The following IMMT variants were observed in gnomAD, a reference collection of about 807,000 sequenced individuals.
The protein encoded by IMMT is inner membrane mitochondrial protein.
In IMMT, 40 loss-of-function variants were observed where a neutral mutation model predicts 92.7. The ratio of observed to expected loss-of-function variants is 0.43; its 90% CI spans 0.34 to 0.56. The LOEUF (loss-of-function observed/expected upper bound fraction) is 0.56. Ranked by LOEUF, IMMT falls within the 20% of genes least tolerant of loss-of-function variation. The pLI, the probability that IMMT is intolerant of heterozygous loss-of-function variation, is 0.03. For missense variants in IMMT, 831 were observed against 912.1 expected (o/e 0.91, Z 1.14); for synonymous variants, 322 against 336.1 (o/e 0.96, Z 0.46).
At chr2:86,145,485 ACT>A (rs1486359816) in intron 14 of IMMT, among the ~76,000 whole-genome samples, 8 of 125,860 alleles carry the variant, frequency 6.4e-5, no homozygotes, top group African/African-American at 9.3e-5. Flanking sequence ...ACAGAGCAAG[ACT>A]CTGTCTCAAA....
intron 1 of IMMT, among the ~76,000 whole-genome samples, chr2:86,183,467 T>C (rs539523214): frequency 1.3e-5 from 2 of 152,306 alleles, no homozygotes; most frequent in African/African-American, 2.4e-5. Flanking sequence ...TGTTTCTTTA[T>C]CTACCTTCTA....
At chr2:86,191,516 T>A (rs1285099869) in intron 1 of IMMT, among the ~76,000 whole-genome samples, 1 of 152,026 alleles carries the variant, frequency 6.6e-6, no homozygotes, top group South Asian at 2.1e-4. Flanking sequence ...AGACTGCAAC[T>A]GCAATATTGG....
intron 13 of IMMT, among the ~76,000 whole-genome samples, chr2:86,146,693 T>C (rs1406818937): frequency 1.3e-5 from 2 of 152,028 alleles, no homozygotes; most frequent in African/African-American, 4.8e-5. Context: ...GGTTTACTGA[T>C]GGAACCTAAT....
chr2:86,169,821 G>A (rs1201220387), intron 6 of IMMT, among the ~76,000 whole-genome samples: 1 of 152,092 alleles, frequency 6.6e-6, no homozygotes, highest in African/African-American at 2.4e-5. Context: ...GGAGGCCAAG[G>A]TGGGAGGATT....
intron 10 of IMMT, among the ~76,000 whole-genome samples, chr2:86,157,420 C>T (rs1675927752): frequency 6.6e-6 from 1 of 152,164 alleles, no homozygotes; most frequent in Non-Finnish European, 1.5e-5. Context: ...TTCTGTGATG[C>T]AACCCTGACA....
chr2:86,157,905 G>A (rs1340144474), intron 10 of IMMT, among the ~76,000 whole-genome samples: 2 of 151,830 alleles, frequency 1.3e-5, no homozygotes, highest in African/African-American at 2.4e-5. Flanking sequence ...TTCAACCCGG[G>A]AGGTGGAGGA....
rs114521198 is a variant in IMMT at position 86,155,086 on chromosome 2, C to T, written c.1163-1512G>A. Among the ~76,000 whole-genome samples, 709 of 152,226 alleles carry T rather than the reference C, an allele frequency of 4.7e-3. 8 individuals carry two copies. The highest frequency in any genetic ancestry group is 0.016 in the African/African-American group (685 of 41,522). On this transcript the variant is annotated intron_variant, in intron 10 of 14. Coordinates refer to ENST00000410111, the MANE Select transcript of IMMT (RefSeq NM_006839.3). Reference sequence around the variant, plus strand: ...CCATATCGGCCAGGCCGGTCTTGAACGCCTAACCTCAGGCAATCCACCCAC... The same window carrying T: ...CCATATCGGCCAGGCCGGTCTTGAATGCCTAACCTCAGGCAATCCACCCAC...
chr2:86,175,321 T>C (rs1677359487), intron 3 of IMMT, among the ~76,000 whole-genome samples: 1 of 152,132 alleles, frequency 6.6e-6, no homozygotes, highest in Admixed American at 6.6e-5. Context: ...TAGATTTGTG[T>C]ATATAGACAC....
chr2:86,155,661 T>C (rs1675805524), intron 10 of IMMT, among the ~76,000 whole-genome samples: 1 of 152,142 alleles, frequency 6.6e-6, no homozygotes, highest in Non-Finnish European at 1.5e-5. Flanking sequence ...ATCAGGACAT[T>C]TGTCGTTTAG....
At chr2:86,166,952 GC>G (rs1676717632) in intron 6 of IMMT, among the ~76,000 whole-genome samples, 1 of 151,402 alleles carries the variant, frequency 6.6e-6, no homozygotes, top group Non-Finnish European at 1.5e-5. Context: ...ACAAAAATTA[GC>G]CAGGCATGGT....
At chr2:86,174,691 A>G (rs533854058) in intron 3 of IMMT, among the ~76,000 whole-genome samples, 1 of 152,164 alleles carries the variant, frequency 6.6e-6, no homozygotes, top group South Asian at 2.1e-4. Flanking sequence ...ACTTCCTTAA[A>G]CAAACCAAAA....
chr2:86,146,674 T>C (rs1573871595), intron 13 of IMMT, among the ~76,000 whole-genome samples: 1 of 151,952 alleles, frequency 6.6e-6, no homozygotes, highest in Non-Finnish European at 1.5e-5. Flanking sequence ...ATGTATATAA[T>C]TCTTTACAGG....
intron 12 of IMMT, among the ~76,000 whole-genome samples, chr2:86,149,190 G>T (rs1675276880): frequency 6.6e-6 from 1 of 152,190 alleles, no homozygotes; most frequent in African/African-American, 2.4e-5. Context: ...GGAAATCTCA[G>T]TCTTGCTAAC....
chr2:86,163,959 C>CAAAAAAAAAAAAAAAAAAAAAAAA (rs70953998), intron 7 of IMMT, among the ~76,000 whole-genome samples: 5 of 91,916 alleles, frequency 5.4e-5, no homozygotes, highest in African/African-American at 1.2e-4. Context: ...ACTCCATCTC[C>CAAAAAAAAAAAAAAAAAAAAAAAA]AAAAAAAAAG....
At chr2:86,183,418 C>T (rs1672557287) in intron 1 of IMMT, among the ~76,000 whole-genome samples, 1 of 152,178 alleles carries the variant, frequency 6.6e-6, no homozygotes, top group African/African-American at 2.4e-5. Flanking sequence ...GTTGGAATTA[C>T]AGGCATGAAC....
At chr2:86,182,043 C>T (rs1259091865) in intron 1 of IMMT, among the ~76,000 whole-genome samples, 1 of 152,154 alleles carries the variant, frequency 6.6e-6, no homozygotes, top group Non-Finnish European at 1.5e-5. Context: ...ATGATCAGGG[C>T]TATATGGCTT....
At chr2:86,155,372 G>GCTAAA (rs2104782086) in intron 10 of IMMT, among the ~76,000 whole-genome samples, 1 of 14,802 alleles carries the variant, frequency 6.8e-5, no homozygotes, top group East Asian at 2.2e-3. Flanking sequence ...AAATCATTTA[G>GCTAAA]GCAGAGAATA....
At chr2:86,150,657 A>C (rs1675399607) in intron 12 of IMMT, among the ~76,000 whole-genome samples, 2 of 152,190 alleles carry the variant, frequency 1.3e-5, no homozygotes, top group Admixed American at 1.3e-4. Context: ...AGCAGAGAAA[A>C]ATATACTCAG....
intron 7 of IMMT, among the ~76,000 whole-genome samples, chr2:86,162,284 C>T (rs1159571726): frequency 6.6e-6 from 1 of 150,474 alleles, no homozygotes; most frequent in African/African-American, 2.4e-5. Flanking sequence ...CCTCAAAGTG[C>T]TGGGATTACA....
Sources: gnomAD v4.1 joint callset for allele counts (sites outside exome capture counted in the v4.1 genomes callset) on GRCh38, gnomAD v4.1.1 for gene constraint, MANE v1.5 for transcripts, NCBI Gene and HGNC (gene_info 2026-07-23, HGNC 2026-07-21) for gene names.